HACL1: variants seen among roughly 807,000 people sequenced by gnomAD.
HACL1 encodes the protein 2-hydroxyacyl-CoA lyase 1.
Under a neutral mutation model 74.2 loss-of-function variants are expected in HACL1, and 64 were observed. The observed-to-expected ratio is 0.86, with a 90% CI of 0.70 to 1.06. The LOEUF (loss-of-function observed/expected upper bound fraction) is 1.06. Ranked by LOEUF, HACL1 falls within the 50% of genes least tolerant of loss-of-function variation. The pLI is 0.00. For synonymous variants in HACL1, 230 were observed against 238.8 expected, an observed-to-expected ratio of 0.96 and a Z score of 0.34; for missense variants, 728 against 719.7, an observed-to-expected ratio of 1.01 and a Z score of -0.13.
chr3:15,601,272 A>AT, intron 1 of HACL1, 78 bp from the exon 2 acceptor site: 1 of 1,556,498 alleles, frequency 6.4e-7, no homozygotes, highest in Non-Finnish European at 8.9e-7. Context: ...CCCGGGCGCT[A>AT]AAAGGAAAAC....
In HACL1 at chr3:15,568,454, G is replaced by C; in HGVS notation, c.1228C>G (p.Gln410Glu). Residue 410 changes from glutamine (Q) to glutamate (E), a missense_variant, in exon 13 of 17, where the codon CAG (glutamine) becomes GAG (glutamate). Physicochemically the swap from Gln to Glu is conservative, Grantham distance 29. Transcript: ENST00000321169. ...TACCTGTGACGAGGAAGGTAGTTCT[G>C]AAGCACAGTCCGTCCAATGTCCATA... Reference protein sequence around the residue: ...NTMDIGRTVLQNYLPRHRLDA... With the variant: ...NTMDIGRTVLENYLPRHRLDA... The C allele has an allele frequency of 6.3e-7, 1 of 1,598,056 alleles. No homozygotes were observed. The highest frequency in any genetic ancestry group is 8.5e-7 in the Non-Finnish European group (1 of 1,171,734).
chr3:15,573,751 G>A (rs1180838505), intron 10 of HACL1, among the ~76,000 whole-genome samples: 1 of 152,148 alleles, frequency 6.6e-6, no homozygotes, highest in Non-Finnish European at 1.5e-5. Flanking sequence ...GATGCGCCTG[G>A]CCCAGGGAAC....
At chr3:15,577,273 C>T (rs1159663956) in intron 9 of HACL1, among the ~76,000 whole-genome samples, 2 of 151,634 alleles carry the variant, frequency 1.3e-5, no homozygotes, top group Admixed American at 6.6e-5. Context: ...TCACTTGAGC[C>T]TAGGGGTCTG....
At chr3:15,584,842 T>C (rs77679425) in intron 7 of HACL1, among the ~76,000 whole-genome samples, 3,722 of 152,328 alleles carry the variant, frequency 0.024, 153 homozygotes, top group African/African-American at 0.084. Flanking sequence ...ACCTCTATAC[T>C]GGAATATTTG....
rs149575173 is a variant in HACL1 at position 15,561,354 on chromosome 3, A to C, written c.1705-457T>G. ...TATTGAGGCAGGAAGTGGCCAGCCTACACTGAGAATCAATGATAAATGGCA... is the reference window on the plus strand; with the variant it reads ...TATTGAGGCAGGAAGTGGCCAGCCTCCACTGAGAATCAATGATAAATGGCA... On this transcript the variant is annotated intron_variant, in intron 16 of 16. Coordinates refer to ENST00000321169, the MANE Select transcript of HACL1 (RefSeq NM_012260.4). Among the ~76,000 whole-genome samples, 478 of 152,348 alleles carry C rather than the reference A, an allele frequency of 3.1e-3. 2 individuals carry two copies. The highest frequency in any genetic ancestry group is 0.011 in the African/African-American group (449 of 41,580).
chr3:15,584,340 A>G (rs1490692891), intron 7 of HACL1, among the ~76,000 whole-genome samples: 1 of 152,200 alleles, frequency 6.6e-6, no homozygotes, highest in Admixed American at 6.5e-5. Flanking sequence ...CTGTAATCCC[A>G]GCACTTTGTG....
At chr3:15,568,034 C>G (rs1183989071) in intron 13 of HACL1, 32 bp from the exon 14 acceptor site, 10 of 1,605,846 alleles carry the variant, frequency 6.2e-6, no homozygotes, top group South Asian at 3.3e-5. Flanking sequence ...ATGAAACCCT[C>G]TGGGGCATGT....
At chr3:15,570,901 G>A (rs1337107552) in intron 12 of HACL1, among the ~76,000 whole-genome samples, 1 of 151,796 alleles carries the variant, frequency 6.6e-6, no homozygotes, top group South Asian at 2.1e-4. Context: ...ACGCCCTGAA[G>A]GACCTATATC....
chr3:15,577,967 A>C (rs1415853605), intron 9 of HACL1, among the ~76,000 whole-genome samples: 1 of 151,780 alleles, frequency 6.6e-6, no homozygotes, highest in Non-Finnish European at 1.5e-5. Context: ...GTGTGGTGGC[A>C]GGCGCCTGTA....
chr3:15,574,730 C>G (rs1342780215), intron 10 of HACL1, among the ~76,000 whole-genome samples: 1 of 151,982 alleles, frequency 6.6e-6, no homozygotes, highest in Non-Finnish European at 1.5e-5. Flanking sequence ...ATTATGCTTT[C>G]TAAACTATTT....
At chr3:15,566,153 G>A (rs1457212480) in intron 14 of HACL1, among the ~76,000 whole-genome samples, 1 of 152,182 alleles carries the variant, frequency 6.6e-6, no homozygotes, top group African/African-American at 2.4e-5. Flanking sequence ...ATCTACCAAA[G>A]CTTTGCCAAC....
intron 14 of HACL1, among the ~76,000 whole-genome samples, chr3:15,567,376 ATT>A (rs1021804368): frequency 5.7e-5 from 8 of 140,256 alleles, no homozygotes; most frequent in South Asian, 2.3e-4. Context: ...CGTCTGGCTA[ATT>A]TTTTTTTTTT....
chr3:15,580,791 C>T (rs1285709678), intron 8 of HACL1, among the ~76,000 whole-genome samples: 1 of 152,242 alleles, frequency 6.6e-6, no homozygotes, highest in Non-Finnish European at 1.5e-5. Context: ...CCTCCTAGTC[C>T]AGGCATGGAA....
chr3:15,590,937 C>T (rs552785206), intron 4 of HACL1, among the ~76,000 whole-genome samples: 53 of 152,162 alleles, frequency 3.5e-4, no homozygotes, highest in Middle Eastern at 6.8e-3. Context: ...AAAAATTAGC[C>T]GGGCGTGGTG....
chr3:15,580,125 C>G (rs890064627), intron 8 of HACL1, 80 bp from the exon 9 acceptor site: 3 of 1,145,936 alleles, frequency 2.6e-6, no homozygotes, highest in Non-Finnish European at 2.5e-6. Context: ...TGTGAAATTG[C>G]TTTTTACTTA....
At chr3:15,591,969 A>ATG (rs889715429) in intron 3 of HACL1, among the ~76,000 whole-genome samples, 1 of 149,706 alleles carries the variant, frequency 6.7e-6, no homozygotes, top group Non-Finnish European at 1.5e-5. Flanking sequence ...TACATAGTGT[A>ATG]TATATATACA....
intron 12 of HACL1, among the ~76,000 whole-genome samples, chr3:15,570,861 C>T (rs2063516232): frequency 6.6e-6 from 1 of 150,382 alleles, no homozygotes; most frequent in Non-Finnish European, 1.5e-5. Context: ...ATCAAAATTT[C>T]AATTTTTATG....
chr3:15,571,808 CTTTTTCTT>C, intron 11 of HACL1, 39 bp from the exon 12 acceptor site: 1 of 550,464 alleles, frequency 1.8e-6, no homozygotes, highest in Admixed American at 3.4e-5. Context: ...AACACATAAA[CTTTTTCTT>C]TGCCTTTTTT....
chr3:15,575,169 A>C, intron 9 of HACL1, 87 bp from the exon 10 acceptor site: 1 of 696,044 alleles, frequency 1.4e-6, no homozygotes, highest in Admixed American at 2.1e-5. Flanking sequence ...GAAAAGTCTA[A>C]ATCATTTGGA....
Sources: allele counts gnomAD v4.1 joint callset (sites outside exome capture counted in the v4.1 genomes callset), GRCh38; gene constraint gnomAD v4.1.1; transcripts MANE v1.5; gene names NCBI Gene and HGNC (gene_info 2026-07-23, HGNC 2026-07-21).